Variants in TMEM108 observed in about 807,000 individuals in gnomAD.
The protein encoded by TMEM108 is cancer/testis antigen 124.
In TMEM108, 12 loss-of-function variants were observed where a neutral mutation model predicts 35.1. That is an observed-to-expected ratio of 0.34 (90% CI 0.22 to 0.55). The LOEUF is 0.55. Ranked by LOEUF, TMEM108 falls within the 20% of genes least tolerant of loss-of-function variation. The pLI is 0.89. For synonymous variants in TMEM108, 287 were observed against 308.6 expected, an observed-to-expected ratio of 0.93 and a Z score of 0.73; for missense variants, 680 against 753.3, an observed-to-expected ratio of 0.90 and a Z score of 1.14.
chr3:133,095,541 C>T (rs2107710674), intron 2 of TMEM108, among the ~76,000 whole-genome samples: 1 of 152,108 alleles, frequency 6.6e-6, no homozygotes, highest in Non-Finnish European at 1.5e-5. Flanking sequence ...AACTCACCAT[C>T]ATGTAGACTT....
intron 3 of TMEM108, among the ~76,000 whole-genome samples, chr3:133,244,597 C>T (rs1372613766): frequency 4.6e-5 from 7 of 152,122 alleles, no homozygotes; most frequent in African/African-American, 1.7e-4. Context: ...TGAGTATGAC[C>T]AGGTATTTTA....
chr3:133,369,367 C>T (rs181445472), intron 3 of TMEM108, among the ~76,000 whole-genome samples: 114 of 152,278 alleles, frequency 7.5e-4, no homozygotes, highest in African/African-American at 2.6e-3. Flanking sequence ...TGGACGTATC[C>T]GTGTCCAGCA....
rs1020758042 is a variant in TMEM108 at position 133,116,972 on chromosome 3, G to C, written c.-47+70952G>C. 6.6e-5 allele frequency among the ~76,000 whole-genome samples: 10 copies of C among 152,114 alleles called. No individual in the cohort carries two copies. The South Asian group carries it at 2.1e-3, about 31-fold the overall frequency. The stretch of plus-strand genomic sequence containing the variant: ...TTTAGTAGAGATGGGGTTTCACCAT[G>C]TTGGCCAGGCTAGTCTCCAACTCCC... On this transcript the variant is annotated intron_variant, in intron 2 of 5. Transcript: ENST00000321871.
intron 2 of TMEM108, among the ~76,000 whole-genome samples, chr3:133,178,996 G>A (rs1195047301): frequency 2.0e-5 from 3 of 152,156 alleles, no homozygotes; most frequent in Non-Finnish European, 2.9e-5. Context: ...GTGGGCGAAA[G>A]ATATGAACAG....
At chr3:133,174,752 C>A (rs1433473015) in intron 2 of TMEM108, among the ~76,000 whole-genome samples, 1 of 152,160 alleles carries the variant, frequency 6.6e-6, no homozygotes, top group Non-Finnish European at 1.5e-5. Flanking sequence ...AAACTGGAAA[C>A]TCTGAAAATC....
At chr3:133,208,949 C>T (rs1945797231) in intron 2 of TMEM108, among the ~76,000 whole-genome samples, 1 of 152,168 alleles carries the variant, frequency 6.6e-6, no homozygotes, top group Admixed American at 6.5e-5. Flanking sequence ...CTTTTGCGTT[C>T]CAGACTTTGT....
chr3:133,239,470 A>T (rs1051359734), intron 3 of TMEM108, among the ~76,000 whole-genome samples: 2 of 152,178 alleles, frequency 1.3e-5, no homozygotes, highest in Non-Finnish European at 2.9e-5. Context: ...CCCGTCCCAG[A>T]GCAATTAAAT....
rs779983086 is a variant in TMEM108, at chr3:133,379,898, G to C, written c.187G>C (p.Val63Leu). The C allele has an allele frequency of 2.5e-6, 4 of 1,613,942 alleles. No homozygotes were observed. The South Asian group carries it at 4.4e-5, about 18-fold the overall frequency. The change falls in exon 4 of 6, where the codon GTG becomes CTG. Residue 63 changes from valine to leucine, a missense_variant. This residue lies in a region of TMEM108 where 526 missense variants were observed against 532.1 expected (regional missense o/e 0.99). Transcript: ENST00000321871. ...CCACAGCTCTACCAGACATACTTCT[G>C]TGGTGATGCTGACCCCCAATCCCGA... ...APHSSTRHTS[V>L]VMLTPNPDGP...
intron 2 of TMEM108, among the ~76,000 whole-genome samples, chr3:133,220,440 C>T (rs1945973724): frequency 6.6e-6 from 1 of 152,014 alleles, no homozygotes; most frequent in African/African-American, 2.4e-5. Flanking sequence ...CCATGCCCAG[C>T]TTATGTTTCT....
chr3:133,126,285 T>C (rs1335855741), intron 2 of TMEM108, among the ~76,000 whole-genome samples: 1 of 151,958 alleles, frequency 6.6e-6, no homozygotes, highest in Non-Finnish European at 1.5e-5. Flanking sequence ...ACCAATATGG[T>C]TAAACCCCAT....
intron 3 of TMEM108, among the ~76,000 whole-genome samples, chr3:133,309,433 A>G (rs947901520): frequency 6.6e-6 from 1 of 151,994 alleles, no homozygotes; most frequent in African/African-American, 2.4e-5. Flanking sequence ...TTGCTTCTCT[A>G]GTTCTTTTAA....
rs115472195 is a variant in TMEM108, at chr3:133,353,835, C to T, written c.41-25917C>T. Among the ~76,000 whole-genome samples the T allele has an allele frequency of 2.5e-3, 378 of 152,278 alleles. 1 individual carries two copies. The highest frequency in any genetic ancestry group is 8.5e-3 in the African/African-American group (355 of 41,554). On this transcript the variant is annotated intron_variant, in intron 3 of 5. Transcript: ENST00000321871. The stretch of plus-strand genomic sequence containing the variant: ...TCAGAAAACGAACAGTGTGTCTTGC[C>T]GACGATTCAATTTAATCATACAGCC...
intron 3 of TMEM108, among the ~76,000 whole-genome samples, chr3:133,362,969 A>G (rs2072398183): frequency 6.6e-6 from 1 of 152,194 alleles, no homozygotes; most frequent in Non-Finnish European, 1.5e-5. Flanking sequence ...CAGCCGGGCC[A>G]GAGGGTGTTG....
chr3:133,222,147 T>C (rs971932794), intron 2 of TMEM108, among the ~76,000 whole-genome samples: 1 of 152,186 alleles, frequency 6.6e-6, no homozygotes, highest in African/African-American at 2.4e-5. Context: ...GGAAAAGTCT[T>C]TATCTCTTCT....
chr3:133,234,026 C>T (rs1946195456), intron 3 of TMEM108, among the ~76,000 whole-genome samples: 1 of 151,890 alleles, frequency 6.6e-6, no homozygotes, highest in South Asian at 2.1e-4. Flanking sequence ...TTTTGCTGTG[C>T]AGAAGCTCTT....
chr3:133,125,492 A>T (rs1944403538), intron 2 of TMEM108, among the ~76,000 whole-genome samples: 1 of 152,156 alleles, frequency 6.6e-6, no homozygotes, highest in African/African-American at 2.4e-5. Flanking sequence ...CGAAAATAAG[A>T]GGTGATATAG....
intron 5 of TMEM108, among the ~76,000 whole-genome samples, chr3:133,392,513 C>A (rs916601438): frequency 6.6e-6 from 1 of 152,166 alleles, no homozygotes; most frequent in African/African-American, 2.4e-5. Flanking sequence ...CATCTCTGCA[C>A]TAGAGAGTCC....
chr3:133,185,027 T>C (rs2107807696), intron 2 of TMEM108, among the ~76,000 whole-genome samples: 1 of 152,346 alleles, frequency 6.6e-6, no homozygotes, highest in South Asian at 2.1e-4. Flanking sequence ...TGTAAAGGGA[T>C]GTTTAGTGGA....
chr3:133,261,986 A>G (rs572737175), intron 3 of TMEM108, among the ~76,000 whole-genome samples: 5 of 152,348 alleles, frequency 3.3e-5, no homozygotes, highest in Admixed American at 3.3e-4. Context: ...TTGAAGTTGC[A>G]CATATCAGAG....
Sources: allele counts gnomAD v4.1 joint callset (sites outside exome capture counted in the v4.1 genomes callset), GRCh38; gene constraint gnomAD v4.1.1; regional missense constraint gnomAD v4.1.1; transcripts MANE v1.5; gene names NCBI Gene and HGNC (gene_info 2026-07-23, HGNC 2026-07-21).